Variants in RSF1 observed in about 807,000 individuals in gnomAD.
RSF1 encodes the protein HBV pX-associated protein 8.
Under a neutral mutation model 145.2 loss-of-function variants are expected in RSF1, and 13 were observed. That is an observed-to-expected ratio of 0.09 (90% CI 0.06 to 0.14). The LOEUF (loss-of-function observed/expected upper bound fraction) is 0.14, where lower values mean the gene tolerates loss of function less well. Among genes scored for constraint, RSF1 ranks in the 10% least tolerant of loss-of-function variants. The pLI, the probability that RSF1 is intolerant of heterozygous loss-of-function variation, is 1.00. For missense variants in RSF1, 1,517 were observed against 1,718.2 expected (o/e 0.88, Z 2.07); for synonymous variants, 577 against 592.6 (o/e 0.97, Z 0.38).
intron 4 of RSF1, among the ~76,000 whole-genome samples, chr11:77,727,473 C>CTT (rs59747840): frequency 0.033 from 3,741 of 112,192 alleles, 200 homozygotes; most frequent in African/African-American, 0.046. Context: ...ACTTCCACTA[C>CTT]TTTTTTTTTT....
At chr11:77,734,540 C>G in intron 4 of RSF1, 1 of 1,569,732 alleles carries the variant, frequency 6.4e-7, no homozygotes, top group East Asian at 2.2e-5. Context: ...AAGCCAGATT[C>G]GAGTGCTCCC....
chr11:77,838,951 C>T, the RSF1 span, among the ~76,000 whole-genome samples: 1 of 152,150 alleles, frequency 6.6e-6, no homozygotes, highest in Non-Finnish European at 1.5e-5. Context: ...CTTACCAGTG[C>T]TAGAATTTCC....
intron 15 of RSF1, among the ~76,000 whole-genome samples, chr11:77,671,834 A>C (rs1361441973): frequency 1.3e-5 from 2 of 152,090 alleles, no homozygotes; most frequent in Non-Finnish European, 2.9e-5. Context: ...AGGTCTCACC[A>C]TGTTGGACAG....
At chr11:77,677,915 C>A (rs1227859934) in intron 12 of RSF1, among the ~76,000 whole-genome samples, 171 bp downstream of exon 12, 26 of 152,288 alleles carry the variant, frequency 1.7e-4, no homozygotes, top group Admixed American at 1.2e-3. Flanking sequence ...TGAGTCTATA[C>A]ACTGACATTG....
the RSF1 span, chr11:77,869,637 C>A: frequency 7.5e-7 from 1 of 1,324,986 alleles, no homozygotes; most frequent in Non-Finnish European, 1.1e-6. Flanking sequence ...GTAGACATTT[C>A]TTGAATGAAT....
the RSF1 span, among the ~76,000 whole-genome samples, chr11:77,850,056 A>G: frequency 6.6e-6 from 1 of 152,240 alleles, no homozygotes; most frequent in African/African-American, 2.4e-5. Flanking sequence ...CAAGAACTCA[A>G]TAAATGTTTG....
At chr11:77,693,473 CAA>C (rs778833806) in intron 8 of RSF1, 32 bp downstream of exon 8, 3 of 1,369,414 alleles carry the variant, frequency 2.2e-6, no homozygotes, top group African/African-American at 1.4e-5. Flanking sequence ...AATACAAACT[CAA>C]AGACTAGAAA....
the RSF1 span, among the ~76,000 whole-genome samples, chr11:77,845,432 C>A: frequency 6.9e-6 from 1 of 144,166 alleles, no homozygotes; most frequent in African/African-American, 2.5e-5. Context: ...TTTTTCTTTT[C>A]TTTTTTTTTG....
At chr11:77,773,349 A>G (rs992745007) in intron 1 of RSF1, among the ~76,000 whole-genome samples, 2 of 151,942 alleles carry the variant, frequency 1.3e-5, no homozygotes, top group Non-Finnish European at 2.9e-5. Context: ...CCACCACACT[A>G]TTTCCCAATC....
the RSF1 span, among the ~76,000 whole-genome samples, chr11:77,848,995 G>A: frequency 6.7e-6 from 1 of 149,600 alleles, no homozygotes; most frequent in Non-Finnish European, 1.5e-5. Flanking sequence ...GTCTGTCTAT[G>A]TTGGTCAGGC....
intron 10 of RSF1, 117 bp downstream of exon 10, chr11:77,684,988 G>GAAATAAATAAAT (rs112115163): frequency 0.014 from 6,618 of 459,480 alleles, 344 homozygotes; most frequent in African/African-American, 0.12. Context: ...ACTCCATCTC[G>GAAATAAATAAAT]AAATAAATAA....
chr11:77,723,605 G>A (rs977027082), intron 5 of RSF1, among the ~76,000 whole-genome samples: 1 of 152,090 alleles, frequency 6.6e-6, no homozygotes, highest in Non-Finnish European at 1.5e-5. Flanking sequence ...AATGAAGGAC[G>A]GTAATCAACA....
At chr11:77,850,891 TCTC>T in the RSF1 span, 1 of 151,936 alleles carries the variant, frequency 6.6e-6, no homozygotes, top group Admixed American at 6.6e-5. Context: ...ACATGAATAT[TCTC>T]CTCTATAACT....
At chr11:77,785,538 C>A (rs189464279) in intron 1 of RSF1, among the ~76,000 whole-genome samples, 1 of 151,122 alleles carries the variant, frequency 6.6e-6, no homozygotes, top group Non-Finnish European at 1.5e-5. Context: ...TGCAGTGAGC[C>A]GAGCTCATGC....
intron 2 of RSF1, among the ~76,000 whole-genome samples, chr11:77,760,178 A>G (rs974603157): frequency 1.3e-5 from 2 of 152,214 alleles, no homozygotes; most frequent in Admixed American, 6.5e-5. Flanking sequence ...GGAAACAAGC[A>G]AATGTCCATC....
At chr11:77,819,997 G>A (rs72935512) in intron 1 of RSF1, among the ~76,000 whole-genome samples, 1 of 152,076 alleles carries the variant, frequency 6.6e-6, no homozygotes, top group Non-Finnish European at 1.5e-5. Flanking sequence ...GAGGGAGGGA[G>A]AGTTGAGTGT....
At chr11:77,766,731 T>C (rs956979001) in intron 1 of RSF1, among the ~76,000 whole-genome samples, 3 of 152,226 alleles carry the variant, frequency 2.0e-5, no homozygotes, top group Non-Finnish European at 4.4e-5. Context: ...GTTTAGATTT[T>C]ATGTAAAAGT....
chr11:77,820,908 G>C (rs1337568451), upstream of RSF1: 6 of 600,122 alleles, frequency 1.0e-5, no homozygotes, highest in Non-Finnish European at 1.7e-5. Flanking sequence ...CGAGTCAGAC[G>C]GGAGACAGAG....
chr11:77,761,930 G>A (rs1018209032), intron 2 of RSF1: 1 of 148,328 alleles, frequency 6.7e-6, no homozygotes, highest in Admixed American at 6.8e-5. Flanking sequence ...TCCTCAGCTA[G>A]CTGAAGCAAT....
Sources: gnomAD v4.1 joint callset for allele counts (sites outside exome capture counted in the v4.1 genomes callset) on GRCh38, gnomAD v4.1.1 for gene constraint, MANE v1.5 for transcripts, NCBI Gene and HGNC (gene_info 2026-07-23, HGNC 2026-07-21) for gene names.